CNTN4: variants seen among roughly 807,000 people sequenced by gnomAD.
CNTN4 encodes contactin-4.
CNTN4 carries 77 observed loss-of-function variants against 122.5 expected under a neutral mutation model. That is an observed-to-expected ratio of 0.63 (90% CI 0.52 to 0.76). The LOEUF (loss-of-function observed/expected upper bound fraction) is 0.76. CNTN4 is among the 30% of genes least tolerant of loss of function. The pLI is 0.00. For synonymous variants in CNTN4, 512 were observed against 447.0 expected (o/e 1.15, Z -1.83); for missense variants, 1,256 against 1,259.1 (o/e 1.00, Z 0.04).
chr3:2,744,212 A>G (rs1262718309), intron 5 of CNTN4, among the ~76,000 whole-genome samples: 1 of 152,220 alleles, frequency 6.6e-6, no homozygotes, highest in Non-Finnish European at 1.5e-5. Flanking sequence ...TCTTGACAAA[A>G]AGAAGGGATT....
At chr3:2,534,533 A>C (rs1381814079) in intron 3 of CNTN4, among the ~76,000 whole-genome samples, 2 of 152,012 alleles carry the variant, frequency 1.3e-5, no homozygotes, top group Non-Finnish European at 2.9e-5. Context: ...ACTTGGGCTT[A>C]GTGCTTTTTC....
intron 2 of CNTN4, among the ~76,000 whole-genome samples, chr3:2,108,101 C>T (rs1451414864): frequency 1.3e-5 from 2 of 152,096 alleles, no homozygotes; most frequent in East Asian, 1.9e-4. Flanking sequence ...CCTATCCTCC[C>T]CCAGGCTTGC....
chr3:2,424,443 A>G (rs1476771148), intron 3 of CNTN4, among the ~76,000 whole-genome samples: 1 of 151,926 alleles, frequency 6.6e-6, no homozygotes, highest in Non-Finnish European at 1.5e-5. Context: ...TATGTGCCAC[A>G]TTTTCTTAAG....
chr3:2,612,936 G>A (rs1303032377), intron 4 of CNTN4, among the ~76,000 whole-genome samples: 2 of 152,138 alleles, frequency 1.3e-5, no homozygotes, highest in Admixed American at 1.3e-4. Flanking sequence ...TCACTTAGTA[G>A]ATCTCTTTTT....
chr3:2,812,567 G>GT lies in CNTN4; in HGVS notation c.359-6915dup, dbSNP rs749644635. On this transcript the variant is annotated intron_variant, in intron 6 of 24. Coordinates refer to ENST00000418658, the MANE Select transcript of CNTN4 (RefSeq NM_175607.3). ...TTATCAGGTTTGTTTTTTTTGTTTT[G>GT]TTTTGTTTTTTTGTTTTTTTGCCAC... 5.4e-3 allele frequency among the ~76,000 whole-genome samples: 765 copies of GT among 141,204 alleles called. 3 individuals carry two copies. The highest frequency in any genetic ancestry group is 0.01 in the Admixed American group (146 of 14,314). The allele number at this position is 141,204 out of a possible 152,430, so 92.6% of individuals were successfully genotyped here.
At chr3:2,500,107 A>G (rs2076556965) in intron 3 of CNTN4, among the ~76,000 whole-genome samples, 1 of 152,096 alleles carries the variant, frequency 6.6e-6, no homozygotes, top group African/African-American at 2.4e-5. Flanking sequence ...GTATCTTGCA[A>G]TATTGCTGAA....
rs1337054125 is a variant in CNTN4, at chr3:2,354,430, C to A, written c.-89+15197C>A. Among the ~76,000 whole-genome samples, 2 of 152,180 alleles carry A rather than the reference C, an allele frequency of 1.3e-5. 1 individual carries two copies. Among genetic ancestry groups the A allele is most frequent in the Admixed American group, 1.3e-4 (2 of 15,288 alleles). On this transcript the variant is annotated intron_variant, in intron 3 of 24. Transcript: ENST00000418658. ...CCTGTAATCCCAGCTACTCAGGAGG[C>A]TGAGGCAGGAGAATCACTTGAACCC...
intron 3 of CNTN4, among the ~76,000 whole-genome samples, chr3:2,340,937 A>G (rs2044187577): frequency 6.6e-6 from 1 of 151,712 alleles, no homozygotes; most frequent in African/African-American, 2.4e-5. Flanking sequence ...ACTCTGCAGT[A>G]TTGACTGGGT....
intron 3 of CNTN4, among the ~76,000 whole-genome samples, chr3:2,421,027 A>G (rs974195993): frequency 1.3e-5 from 2 of 152,140 alleles, no homozygotes; most frequent in African/African-American, 4.8e-5. Context: ...GCTTCTGGGA[A>G]AACTCAAACT....
intron 2 of CNTN4, among the ~76,000 whole-genome samples, chr3:2,243,491 T>C (rs1208599252): frequency 6.6e-6 from 1 of 151,632 alleles, no homozygotes; most frequent in Admixed American, 6.6e-5. Context: ...GTAAACTTTC[T>C]TAAAACATTA....
chr3:2,145,778 G>A (rs1396594595), intron 2 of CNTN4, among the ~76,000 whole-genome samples: 1 of 148,992 alleles, frequency 6.7e-6, no homozygotes, highest in Non-Finnish European at 1.5e-5. Context: ...TTTACGTAGG[G>A]TTTCTCCTTA....
intron 13 of CNTN4, among the ~76,000 whole-genome samples, chr3:2,939,939 C>T (rs2151493100): frequency 6.6e-6 from 1 of 152,308 alleles, no homozygotes; most frequent in South Asian, 2.1e-4. Flanking sequence ...ATATTTACAC[C>T]ATGGAAATAG....
At chr3:2,654,495 A>G (rs934660056) in intron 4 of CNTN4, among the ~76,000 whole-genome samples, 1 of 152,144 alleles carries the variant, frequency 6.6e-6, no homozygotes, top group African/African-American at 2.4e-5. Flanking sequence ...GCTTTTATAT[A>G]CCGTGTTTCT....
At chr3:2,551,390 A>G (rs1035525876) in intron 3 of CNTN4, among the ~76,000 whole-genome samples, 3 of 151,986 alleles carry the variant, frequency 2.0e-5, no homozygotes, top group Admixed American at 6.6e-5. Context: ...GAGTGTATGT[A>G]GGCCTACACA....
chr3:2,518,814 G>C (rs768759440), intron 3 of CNTN4, among the ~76,000 whole-genome samples: 5 of 152,182 alleles, frequency 3.3e-5, no homozygotes, highest in South Asian at 4.1e-4. Flanking sequence ...TTGCCTGTGG[G>C]CCTGAGACTT....
At chr3:2,513,484 T>C (rs769748584) in intron 3 of CNTN4, among the ~76,000 whole-genome samples, 3 of 152,182 alleles carry the variant, frequency 2.0e-5, no homozygotes, top group Non-Finnish European at 4.4e-5. Context: ...TAGTGTTCTT[T>C]TGAGTTTCGA....
chr3:2,347,462 T>C (rs1466812794), intron 3 of CNTN4, among the ~76,000 whole-genome samples: 2 of 138,504 alleles, frequency 1.4e-5, no homozygotes, highest in African/African-American at 5.4e-5. Flanking sequence ...CAGTCTGGAG[T>C]GCAGTGGCAC....
chr3:3,024,768 A>G (rs894646679), intron 14 of CNTN4, among the ~76,000 whole-genome samples: 6 of 152,192 alleles, frequency 3.9e-5, no homozygotes, highest in African/African-American at 1.4e-4. Flanking sequence ...TAAAGAGGAA[A>G]TTTTAGCATG....
At chr3:2,218,511 G>C (rs73807053) in intron 2 of CNTN4, among the ~76,000 whole-genome samples, 1,644 of 151,996 alleles carry the variant, frequency 0.011, 39 homozygotes, top group African/African-American at 0.038. Flanking sequence ...ATCCAACCTG[G>C]GCAATATAGT....
Sources: allele counts gnomAD v4.1 joint callset (sites outside exome capture counted in the v4.1 genomes callset), GRCh38; gene constraint gnomAD v4.1.1; transcripts MANE v1.5; gene names NCBI Gene and HGNC (gene_info 2026-07-23, HGNC 2026-07-21).